Variants in NDUFV3 observed in about 807,000 individuals in gnomAD.
NDUFV3 encodes NADH dehydrogenase [ubiquinone] flavoprotein 3, mitochondrial.
A neutral mutation model predicts 37.5 loss-of-function variants in NDUFV3; 44 were observed. That is an observed-to-expected ratio of 1.17 (90% CI 0.92 to 1.51). NDUFV3 has a LOEUF of 1.51. NDUFV3 is among the 40% of genes most tolerant of loss of function. The pLI, the probability that NDUFV3 is intolerant of heterozygous loss-of-function variation, is 0.00. For synonymous variants in NDUFV3, 235 were observed against 239.3 expected, an observed-to-expected ratio of 0.98 and a Z score of 0.17; for missense variants, 580 against 580.4, an observed-to-expected ratio of 1.00 and a Z score of 0.01.
chr21:42,911,439 CTTTTTTTTTTTTTT>C lies in NDUFV3; in HGVS notation c.*2436_*2449del, dbSNP rs66493713. On this transcript the variant is annotated 3_prime_UTR_variant, in exon 4 of 4. Coordinates refer to ENST00000354250, the MANE Select transcript of NDUFV3 (RefSeq NM_021075.4). The stretch of plus-strand genomic sequence containing the variant: ...CTAAAATCCACTATGCTAACCCACC[CTTTTTTTTTTTTTT>C]TTTTTTTTTTTTTTTTTGAGACAGC... 1.5e-5 allele frequency: 1 copy of C among 67,542 alleles called. No individual in the cohort carries two copies. Among genetic ancestry groups the C allele is most frequent in the Non-Finnish European group, 2.6e-5 (1 of 38,364 alleles). 4.2% of individuals were successfully genotyped at this position (67,542 alleles called of 1,614,324 possible).
intron 3 of NDUFV3, among the ~76,000 whole-genome samples, chr21:42,904,633 C>T (rs2058733766): frequency 7.6e-6 from 1 of 132,128 alleles, no homozygotes; most frequent in South Asian, 2.4e-4. Context: ...CAGGCGCAGG[C>T]CACCACACCT....
Position 42,911,866 on chromosome 21 carries a change from G to A in NDUFV3, c.*2845G>A, listed in dbSNP as rs935392574. 4 of 152,104 alleles carry A rather than the reference G, an allele frequency of 2.6e-5. No individual in the cohort carries two copies. Among genetic ancestry groups the A allele is most frequent in the Non-Finnish European group, 5.9e-5 (4 of 68,030 alleles). 9.4% of individuals were successfully genotyped at this position (152,104 alleles called of 1,614,324 possible). On this transcript the variant is annotated 3_prime_UTR_variant, in exon 4 of 4. Coordinates refer to ENST00000354250, the MANE Select transcript of NDUFV3 (RefSeq NM_021075.4). ...TGATGGGCGGTGATGCTTTGGAAAT[G>A]GAAATTCCCTTAATATTAAAATGAA...
chr21:42,904,637 C>G (rs1020391103), intron 3 of NDUFV3, among the ~76,000 whole-genome samples: 1 of 120,910 alleles, frequency 8.3e-6, no homozygotes, highest in African/African-American at 3.9e-5. Context: ...CGCAGGCCAC[C>G]ACACCTGGCT....
chr21:42,895,187 A>G (rs1441400505), intron 1 of NDUFV3, among the ~76,000 whole-genome samples: 2 of 152,082 alleles, frequency 1.3e-5, no homozygotes, highest in Non-Finnish European at 2.9e-5. Flanking sequence ...CATCTCTACT[A>G]AAAATACAAG....
intron 3 of NDUFV3, 120 bp downstream of exon 3, chr21:42,904,396 T>C (rs2839603): frequency 0.075 from 104,027 of 1,380,908 alleles, 4,361 homozygotes; most frequent in East Asian, 0.16. Context: ...ACTAGAAATA[T>C]GGCCTGTAAC....
At chr21:42,901,267 G>A (rs2058716750) in intron 2 of NDUFV3, among the ~76,000 whole-genome samples, 1 of 151,888 alleles carries the variant, frequency 6.6e-6, no homozygotes, top group South Asian at 2.1e-4. Flanking sequence ...GTGAAAACCT[G>A]TATCTACTAA....
rs1230915259 is a variant in NDUFV3, at chr21:42,894,348, T to A, written c.48+967T>A. On this transcript the variant is annotated intron_variant, in intron 1 of 3. Transcript: ENST00000354250. ...ATAAATACATATTATATATATTATA[T>A]ATAAATATATATTATATATATATTT... Among the ~76,000 whole-genome samples the A allele has an allele frequency of 9.2e-5, 4 of 43,488 alleles. 1 individual carries two copies. The highest frequency in any genetic ancestry group is 3.7e-4 in the African/African-American group (1 of 2,738). 28.5% of individuals were successfully genotyped at this position (43,488 alleles called of 152,430 possible).
chr21:42,908,716 C>T, intron 3 of NDUFV3, 148 bp from the exon 4 acceptor site: 1 of 781,820 alleles, frequency 1.3e-6, no homozygotes, highest in Non-Finnish European at 2.1e-6. Flanking sequence ...AGGTAAGCGC[C>T]TGTATGTGAG....
In NDUFV3 at chr21:42,894,415, A is replaced by ATATATTAT. The variant is rs1568854050; in HGVS notation, c.48+1034_48+1035insTATATTAT. 1.7e-4 allele frequency among the ~76,000 whole-genome samples: 8 copies of ATATATTAT among 47,272 alleles called. No homozygotes were observed. In the African/African-American group the frequency reaches 1.9e-3, roughly 11 times the overall value. The allele number at this position is 47,272 out of a possible 152,430, so 31.0% of individuals were successfully genotyped here. The stretch of plus-strand genomic sequence containing the variant: ...TATATTATATATTTATATAATATAT[A>ATATATTAT]ATATATTATATAAATATATATTATA... On this transcript the variant is annotated intron_variant, in intron 1 of 3. Coordinates refer to ENST00000354250, the MANE Select transcript of NDUFV3 (RefSeq NM_021075.4).
At position 42,909,339 on chromosome 21, in the gene NDUFV3, A is replaced by C. The variant is rs2058758702; in HGVS notation, c.*318A>C. Reference sequence around the variant, plus strand: ...GTATTTTTAGTAGAGACAGGGTTTCACCATGTTGGCCAGGCTGGTCTCGAA... The same window carrying C: ...GTATTTTTAGTAGAGACAGGGTTTCCCCATGTTGGCCAGGCTGGTCTCGAA... On this transcript the variant is annotated 3_prime_UTR_variant, in exon 4 of 4. Transcript: ENST00000354250. 5.7e-6 allele frequency: 2 copies of C among 351,864 alleles called. No individual in the cohort carries two copies. Among genetic ancestry groups the C allele is most frequent in the Non-Finnish European group, 1.1e-5 (2 of 179,860 alleles). 21.8% of individuals were successfully genotyped at this position (351,864 alleles called of 1,614,324 possible).
intron 3 of NDUFV3, among the ~76,000 whole-genome samples, chr21:42,907,122 A>G (rs1568861506): frequency 6.6e-6 from 1 of 152,120 alleles, no homozygotes. Context: ...TTTTGCCATT[A>G]TGTTATATTG....
intron 2 of NDUFV3, 146 bp downstream of exon 2, chr21:42,897,193 G>C: frequency 1.1e-6 from 1 of 918,656 alleles, no homozygotes; most frequent in East Asian, 2.7e-5. Flanking sequence ...CAAGACACAA[G>C]ATCTATAACA....
intron 1 of NDUFV3, among the ~76,000 whole-genome samples, chr21:42,894,031 C>G (rs2058670015): frequency 6.6e-6 from 1 of 151,744 alleles, no homozygotes; most frequent in African/African-American, 2.4e-5. Flanking sequence ...GCCTGGCCAA[C>G]ATGTCGAAAC....
chr21:42,904,649 AT>A (rs11334569), intron 3 of NDUFV3, among the ~76,000 whole-genome samples: 97,647 of 151,352 alleles, frequency 0.65, 33,165 homozygotes, highest in African/African-American at 0.85. Context: ...CACCTGGCTA[AT>A]TTTTTTTGTA....
At chr21:42,897,164 C>T (rs926218910) in intron 2 of NDUFV3, 117 bp downstream of exon 2, 7 of 1,149,488 alleles carry the variant, frequency 6.1e-6, no homozygotes, top group Non-Finnish European at 8.9e-6. Flanking sequence ...TCTTCCTTTT[C>T]AGCAGTGTCC....
rs1365130674 is a variant in NDUFV3, at chr21:42,909,176, C to G, written c.*155C>G. The G allele has an allele frequency of 2.6e-6, 2 of 780,614 alleles. No homozygotes were observed. Among genetic ancestry groups the G allele is most frequent in the Non-Finnish European group, 3.9e-6 (2 of 510,850 alleles). The allele number at this position is 780,614 out of a possible 1,614,324, so 48.4% of individuals were successfully genotyped here. A position where few individuals can be genotyped will look rare whatever the true frequency, so the allele number is the denominator to read the frequency against. ...TTTTTTTTTGAGACAGGGTCTCACT[C>G]TGTCACCCAGGCTGGAGTGCAGTGG... On this transcript the variant is annotated 3_prime_UTR_variant, in exon 4 of 4. Transcript: ENST00000354250.
chr21:42,903,079 A>G, intron 2 of NDUFV3, 103 bp from the exon 3 acceptor site: 1 of 1,452,566 alleles, frequency 6.9e-7, no homozygotes, highest in Non-Finnish European at 9.5e-7. Flanking sequence ...GATTGCATTG[A>G]AGATACTGTC....
intron 3 of NDUFV3, among the ~76,000 whole-genome samples, chr21:42,906,426 C>G (rs994689216): frequency 2.0e-4 from 31 of 152,280 alleles, no homozygotes; most frequent in Non-Finnish European, 3.4e-4. Flanking sequence ...TGTTTTCCCC[C>G]CTCTCCGTCT....
intron 2 of NDUFV3, among the ~76,000 whole-genome samples, chr21:42,900,273 G>C (rs929235062): frequency 6.6e-6 from 1 of 152,070 alleles, no homozygotes; most frequent in Non-Finnish European, 1.5e-5. Flanking sequence ...AGGCCAAGGC[G>C]GGCCGATCAC....
Sources: gnomAD v4.1 joint callset for allele counts (sites outside exome capture counted in the v4.1 genomes callset) on GRCh38, gnomAD v4.1.1 for gene constraint, MANE v1.5 for transcripts, NCBI Gene and HGNC (gene_info 2026-07-23, HGNC 2026-07-21) for gene names.